Variants in HDAC4 observed in about 807,000 individuals in gnomAD.
The protein encoded by HDAC4 is histone deacetylase 4.
HDAC4 carries 16 observed loss-of-function variants against 135.1 expected under a neutral mutation model. The observed-to-expected ratio is 0.12, with a 90% CI of 0.08 to 0.18. The LOEUF (loss-of-function observed/expected upper bound fraction) is 0.18. Ranked by LOEUF, HDAC4 falls within the 10% of genes least tolerant of loss-of-function variation. HDAC4 has a pLI of 1.00. For synonymous variants in HDAC4, 685 were observed against 653.4 expected (o/e 1.05, Z -0.74); for missense variants, 1,143 against 1,511.8 (o/e 0.76, Z 4.05).
At chr2:239,137,453 C>A (rs1405835105) in intron 9 of HDAC4, among the ~76,000 whole-genome samples, 2 of 151,898 alleles carry the variant, frequency 1.3e-5, no homozygotes, top group Non-Finnish European at 2.9e-5. Context: ...GCTTCCCTGG[C>A]CTGTAGAGGA....
rs1343158214 is a variant in HDAC4, at chr2:239,052,531, C to T, written c.*566G>A. On this transcript the variant is annotated 3_prime_UTR_variant, in exon 27 of 27. Transcript: ENST00000543185. ...TTTTCTTTAAAGGTCCCTCTGTCCC[C>T]CACCCGGGTGCAGACCCCCCGCCGC... 2 of 151,186 alleles carry T rather than the reference C, an allele frequency of 1.3e-5. No individual in the cohort carries two copies. The highest frequency in any genetic ancestry group is 5.0e-5 in the African/African-American group (2 of 39,658). 9.4% of individuals were successfully genotyped at this position (151,186 alleles called of 1,614,324 possible). A position where few individuals can be genotyped will look rare whatever the true frequency, so the allele number is the denominator to read the frequency against.
chr2:239,076,673 C>A (rs550239524), intron 22 of HDAC4, among the ~76,000 whole-genome samples: 6 of 152,290 alleles, frequency 3.9e-5, no homozygotes, highest in Admixed American at 1.3e-4. Flanking sequence ...TTTCTGGCTG[C>A]CGTTCTGCCC....
intron 7 of HDAC4, among the ~76,000 whole-genome samples, chr2:239,151,754 G>A (rs1434104903): frequency 1.3e-5 from 2 of 152,198 alleles, no homozygotes; most frequent in Admixed American, 6.5e-5. Context: ...CTCACCAAAC[G>A]TGAGCTCTGG....
chr2:239,098,560 C>T (rs2037327036), intron 16 of HDAC4, among the ~76,000 whole-genome samples: 1 of 152,260 alleles, frequency 6.6e-6, no homozygotes, highest in African/African-American at 2.4e-5. Flanking sequence ...ACGTGACTTT[C>T]AGTGACGCCT....
intron 2 of HDAC4, among the ~76,000 whole-genome samples, chr2:239,345,132 G>A (rs1213576717): frequency 1.3e-5 from 2 of 152,050 alleles, no homozygotes; most frequent in South Asian, 2.1e-4. Context: ...ATTACCTCCC[G>A]CCACCTTGTT....
intron 11 of HDAC4, among the ~76,000 whole-genome samples, chr2:239,133,639 G>C (rs1454584688): frequency 6.6e-6 from 1 of 152,190 alleles, no homozygotes; most frequent in Non-Finnish European, 1.5e-5. Context: ...GCTAATTTTT[G>C]TATTTTTAGT....
At chr2:239,356,950 C>T (rs1446409364) in intron 1 of HDAC4, among the ~76,000 whole-genome samples, 1 of 152,178 alleles carries the variant, frequency 6.6e-6, no homozygotes, top group Admixed American at 6.5e-5. Context: ...TCACACCCTG[C>T]TCTTAGTAGC....
intron 3 of HDAC4, among the ~76,000 whole-genome samples, chr2:239,209,116 A>G (rs958272898): frequency 2.0e-5 from 3 of 152,334 alleles, no homozygotes; most frequent in Admixed American, 2.0e-4. Flanking sequence ...CCTGAGCTCA[A>G]GCAATTCATT....
At chr2:239,123,006 C>T (rs1222907769) in intron 12 of HDAC4, among the ~76,000 whole-genome samples, 1 of 151,812 alleles carries the variant, frequency 6.6e-6, no homozygotes, top group Non-Finnish European at 1.5e-5. Flanking sequence ...TTCTTGTCTT[C>T]CTGGGCATCC....
In HDAC4 at chr2:239,285,911, C is replaced by T. The variant is rs999796321; in HGVS notation, c.23-49247G>A. Among the ~76,000 whole-genome samples, 1 of 152,082 alleles carries T rather than the reference C, an allele frequency of 6.6e-6. No individual in the cohort carries two copies. Among genetic ancestry groups the T allele is most frequent in the Non-Finnish European group, 1.5e-5 (1 of 68,016 alleles). On this transcript the variant is annotated intron_variant, in intron 2 of 26. Coordinates refer to ENST00000543185, the MANE Select transcript of HDAC4 (RefSeq NM_001378414.1). This position sits in a 1 kb window ranked among gnomAD's most constrained non-coding sequence, Gnocchi z 4.5. ...GCACGTGGCATGCCTATCAGAAGAACGGCCTCCTCACTCCCATCCCTCTAT... is the reference window on the plus strand; with the variant it reads ...GCACGTGGCATGCCTATCAGAAGAATGGCCTCCTCACTCCCATCCCTCTAT...
chr2:239,120,382 G>C lies in HDAC4; in HGVS notation c.1534-5072C>G, dbSNP rs75083737. ...ACACACAGATACATATACCCGCAGA[G>C]GCACACACAGACGCACACAGACACA... is the stretch of plus-strand genomic sequence containing the variant. On this transcript the variant is annotated intron_variant, in intron 12 of 26. Transcript: ENST00000543185. Among the ~76,000 whole-genome samples, 725 of 150,054 alleles carry C rather than the reference G, an allele frequency of 4.8e-3. 5 individuals are homozygous for C. The highest frequency in any genetic ancestry group is 0.015 in the African/African-American group (624 of 40,748).
chr2:239,130,906 T>G (rs998180230), intron 11 of HDAC4, among the ~76,000 whole-genome samples: 1 of 152,338 alleles, frequency 6.6e-6, no homozygotes, highest in South Asian at 2.1e-4. Flanking sequence ...GCAACAATCA[T>G]GCCCACAGTT....
At position 239,109,056 on chromosome 2, in the gene HDAC4, G is replaced by A. The variant is rs550689274; in HGVS notation, c.1979-873C>T. On this transcript the variant is annotated intron_variant, in intron 14 of 26. Transcript: ENST00000543185. Reference sequence around the variant, plus strand: ...AGGCTAGAGATGCGAGGGAAGGCCAGGTGGCCCTCCGGGGCACAGCTCTGC... The same window carrying A: ...AGGCTAGAGATGCGAGGGAAGGCCAAGTGGCCCTCCGGGGCACAGCTCTGC... 1.8e-3 allele frequency among the ~76,000 whole-genome samples: 275 copies of A among 152,356 alleles called. 1 individual carries two copies. Among genetic ancestry groups the A allele is most frequent in the Admixed American group, 4.2e-3 (65 of 15,308 alleles).
Position 239,176,474 on chromosome 2 carries a change from C to T in HDAC4, c.429G>A (p.Leu143=), listed in dbSNP as rs376319395. 6.2e-7 allele frequency: 1 copy of T among 1,613,524 alleles called. No homozygotes were observed. Among genetic ancestry groups the T allele is most frequent in the South Asian group, 1.1e-5 (1 of 91,070 alleles). ...KLERHRQEQE[L]EKQHREQKLQ... ...GCTTCTGCTCCCGGTGCTGCTTCTC[C>T]AGCTCCTGCTCCTGGCGGTGCCTCT... The change falls in exon 5 of 27, where the codon CTG becomes CTA. Residue 143 remains leucine, a synonymous_variant. Coordinates refer to ENST00000543185, the MANE Select transcript of HDAC4 (RefSeq NM_001378414.1).
In HDAC4 at chr2:239,159,215, C is replaced by G. The variant is rs1278557038; in HGVS notation, c.612-2442G>C. Among the ~76,000 whole-genome samples the G allele has an allele frequency of 2.0e-5, 3 of 150,962 alleles. No homozygotes were observed. In the East Asian group the frequency reaches 5.9e-4, roughly 30 times the overall value. On this transcript the variant is annotated intron_variant, in intron 6 of 26. Coordinates refer to ENST00000543185, the MANE Select transcript of HDAC4 (RefSeq NM_001378414.1). ...ACTCCCACCCACACCTCACATTACT[C>G]ACACCCACATCTCACTTTTCACACC...
chr2:239,134,749 A>G, intron 9 of HDAC4, 106 bp from the exon 10 acceptor site: 1 of 835,256 alleles, frequency 1.2e-6, no homozygotes, highest in Non-Finnish European at 2.1e-6. Context: ...ATTCTGATAT[A>G]TGAGCGTAAA....
intron 22 of HDAC4, among the ~76,000 whole-genome samples, chr2:239,073,629 T>C (rs1210768451): frequency 6.6e-6 from 1 of 152,276 alleles, no homozygotes; most frequent in Non-Finnish European, 1.5e-5. Context: ...TGCATGATTC[T>C]GGTCCCAGAG....
intron 24 of HDAC4, among the ~76,000 whole-genome samples, chr2:239,060,714 C>T (rs2032560880): frequency 6.6e-6 from 1 of 152,248 alleles, no homozygotes; most frequent in African/African-American, 2.4e-5. Flanking sequence ...CCCTCCTGGA[C>T]GTTTACCGGA....
Position 239,095,021 on chromosome 2 carries a change from C to T in HDAC4, c.2269G>A (p.Gly757Ser), listed in dbSNP as rs543077379. 81 of 1,613,886 alleles carry T rather than the reference C, an allele frequency of 5.0e-5. 2 individuals carry two copies. The South Asian group carries it at 5.7e-4, about 11-fold the overall frequency. ...LASVFVRLPC[G>S]GVGVDSDTIW... ...AAAGGAACACTTACCCCAACACCAC[C>T]GCAAGGGAGCCGGACGAACACGGAG... is the stretch of plus-strand genomic sequence containing the variant. Residue 757 changes from glycine (G) to serine (S), a missense_variant, in exon 17 of 27, where the codon GGT (glycine) becomes AGT (serine). Coordinates refer to ENST00000543185, the MANE Select transcript of HDAC4 (RefSeq NM_001378414.1).
Sources: gnomAD v4.1 joint callset for allele counts (sites outside exome capture counted in the v4.1 genomes callset) on GRCh38, gnomAD v4.1.1 for gene constraint, Gnocchi (gnomAD v3.1) non-coding constraint, MANE v1.5 for transcripts, NCBI Gene and HGNC (gene_info 2026-07-23, HGNC 2026-07-21) for gene names.